SPAG16: variants seen among roughly 807,000 people sequenced by gnomAD.
The protein encoded by SPAG16 is sperm associated antigen 16.
SPAG16 carries 86 observed loss-of-function variants against 80.4 expected under a neutral mutation model. That is an observed-to-expected ratio of 1.07 (90% CI 0.90 to 1.28). The LOEUF is 1.28. Ranked by LOEUF, SPAG16 falls within the 50% of genes most tolerant of loss-of-function variation. The pLI, the probability that SPAG16 is intolerant of heterozygous loss-of-function variation, is 0.00. For synonymous variants in SPAG16, 294 were observed against 265.9 expected (o/e 1.11, Z -1.03); for missense variants, 870 against 765.3 (o/e 1.14, Z -1.61).
intron 15 of SPAG16, among the ~76,000 whole-genome samples, chr2:214,176,372 G>A (rs2057080267): frequency 6.6e-6 from 1 of 151,098 alleles, no homozygotes; most frequent in Non-Finnish European, 1.5e-5. Context: ...GGATATACCT[G>A]TAGAATATCA....
At chr2:213,597,206 A>G (rs997815994) in intron 10 of SPAG16, among the ~76,000 whole-genome samples, 2 of 152,164 alleles carry the variant, frequency 1.3e-5, no homozygotes, top group Non-Finnish European at 2.9e-5. Context: ...TTATTCATTC[A>G]TTCACATGTT....
chr2:213,574,599 C>G (rs919309889), intron 10 of SPAG16, among the ~76,000 whole-genome samples: 2 of 150,536 alleles, frequency 1.3e-5, no homozygotes, highest in African/African-American at 2.4e-5. Context: ...ATGTTAATCC[C>G]TCACCCTTAC....
intron 13 of SPAG16, among the ~76,000 whole-genome samples, chr2:214,083,513 T>C (rs1167710675): frequency 6.6e-6 from 1 of 152,176 alleles, no homozygotes; most frequent in African/African-American, 2.4e-5. Flanking sequence ...ACAAGTCTCG[T>C]GTTCTGATTT....
chr2:213,671,928 C>A (rs372550992), intron 10 of SPAG16, among the ~76,000 whole-genome samples: 5 of 152,290 alleles, frequency 3.3e-5, no homozygotes, highest in African/African-American at 1.2e-4. Context: ...CCATTGGGTT[C>A]ATTGCTAATC....
At chr2:214,143,599 T>C (rs570888607) in intron 14 of SPAG16, among the ~76,000 whole-genome samples, 1 of 152,282 alleles carries the variant, frequency 6.6e-6, no homozygotes, top group East Asian at 1.9e-4. Flanking sequence ...TTTAGCTCAT[T>C]TAAATTTCTA....
At chr2:213,952,795 A>C (rs1321960590) in intron 12 of SPAG16, among the ~76,000 whole-genome samples, 1 of 152,110 alleles carries the variant, frequency 6.6e-6, no homozygotes, top group African/African-American at 2.4e-5. Context: ...GAAATAACCA[A>C]TAGCTGAAAT....
intron 11 of SPAG16, among the ~76,000 whole-genome samples, chr2:213,913,242 C>A (rs2077759844): frequency 6.6e-6 from 1 of 151,944 alleles, no homozygotes; most frequent in African/African-American, 2.4e-5. Context: ...TCTATAATAT[C>A]CATTATGTGA....
chr2:213,750,209 A>C (rs981516605), intron 10 of SPAG16, among the ~76,000 whole-genome samples: 4 of 152,236 alleles, frequency 2.6e-5, no homozygotes, highest in Admixed American at 1.3e-4. Flanking sequence ...ATTTGTAAAG[A>C]TTAACATTGC....
intron 10 of SPAG16, among the ~76,000 whole-genome samples, chr2:213,857,004 T>G (rs1370472653): frequency 6.6e-6 from 1 of 152,122 alleles, no homozygotes. Flanking sequence ...CCAAGGAGGA[T>G]GGGTCACCTA....
At chr2:213,292,302 T>A (rs1298749413) in intron 1 of SPAG16, among the ~76,000 whole-genome samples, 1 of 151,876 alleles carries the variant, frequency 6.6e-6, no homozygotes, top group African/African-American at 2.4e-5. Context: ...TCAGAAGGGG[T>A]CATGCTTTTT....
intron 1 of SPAG16, among the ~76,000 whole-genome samples, chr2:213,285,466 T>C (rs1402753108): frequency 6.6e-6 from 1 of 152,212 alleles, no homozygotes; most frequent in Non-Finnish European, 1.5e-5. Context: ...AAGAAAGAGA[T>C]GATTATCTGT....
At chr2:214,096,260 G>A (rs1211855916) in intron 13 of SPAG16, among the ~76,000 whole-genome samples, 1 of 147,652 alleles carries the variant, frequency 6.8e-6, no homozygotes, top group Admixed American at 6.9e-5. Context: ...TTTACATAGA[G>A]AGGTTGGTTT....
intron 9 of SPAG16, 108 bp from the exon 10 acceptor site, chr2:213,489,855 C>T: frequency 1.1e-6 from 1 of 870,462 alleles, no homozygotes; most frequent in Non-Finnish European, 1.6e-6. Flanking sequence ...CATGTAAATT[C>T]TGGGCAAATA....
At chr2:214,101,889 C>G (rs1314537414) in intron 13 of SPAG16, among the ~76,000 whole-genome samples, 1 of 152,102 alleles carries the variant, frequency 6.6e-6, no homozygotes, top group Admixed American at 6.6e-5. Flanking sequence ...AAAGCTGCAT[C>G]CTCCACCTGG....
intron 10 of SPAG16, among the ~76,000 whole-genome samples, chr2:213,575,373 C>T (rs538888329): frequency 1.3e-5 from 2 of 152,090 alleles, no homozygotes; most frequent in South Asian, 2.1e-4. Flanking sequence ...TTGAAAGTAA[C>T]CTTAAAAGCA....
chr2:214,104,197 A>T (rs1444506744), intron 13 of SPAG16, among the ~76,000 whole-genome samples: 1 of 152,160 alleles, frequency 6.6e-6, no homozygotes, highest in Non-Finnish European at 1.5e-5. Flanking sequence ...ATGAAGAAAT[A>T]TGAAAATATT....
intron 11 of SPAG16, among the ~76,000 whole-genome samples, chr2:213,869,950 T>TG (rs1191681742): frequency 1.3e-5 from 2 of 152,212 alleles, no homozygotes; most frequent in Admixed American, 1.3e-4. Context: ...TGAATGTTGA[T>TG]GGCAGTTACC....
Position 213,715,222 on chromosome 2 carries a change from G to GTCAATCTATCTA in SPAG16, c.1071-147261_1071-147260insAATCTATCTATC, listed in dbSNP as rs1553615159. 2.7e-5 allele frequency among the ~76,000 whole-genome samples: 3 copies of GTCAATCTATCTA among 110,576 alleles called. No individual in the cohort carries two copies. In the South Asian group the frequency reaches 8.8e-4, roughly 32 times the overall value. The allele number at this position is 110,576 out of a possible 152,430, so 72.5% of individuals were successfully genotyped here. A position where few individuals can be genotyped will look rare whatever the true frequency, so the allele number is the denominator to read the frequency against. ...AGATTCAAGTTAGGTAGATCTATCTGTCTATCTATCTATCTATCTATCTAT... is the reference window on the plus strand; with the variant it reads ...AGATTCAAGTTAGGTAGATCTATCTGTCAATCTATCTATCTATCTATCTATCTATCTATCTAT... On this transcript the variant is annotated intron_variant, in intron 10 of 15. Transcript: ENST00000331683.
chr2:214,275,430 A>G (rs758483542), intron 15 of SPAG16, among the ~76,000 whole-genome samples: 3 of 152,172 alleles, frequency 2.0e-5, no homozygotes, highest in Non-Finnish European at 4.4e-5. Context: ...GTGGGCATTT[A>G]GTGCTATAAA....
Sources: allele counts gnomAD v4.1 joint callset (sites outside exome capture counted in the v4.1 genomes callset), GRCh38; gene constraint gnomAD v4.1.1; transcripts MANE v1.5; gene names NCBI Gene and HGNC (gene_info 2026-07-23, HGNC 2026-07-21).